The following GRID2 variants were observed in gnomAD, a reference collection of about 807,000 sequenced individuals.
GRID2 encodes glutamate receptor ionotropic, delta-2.
GRID2 carries 33 observed loss-of-function variants against 114.8 expected under a neutral mutation model. The observed-to-expected ratio is 0.29, with a 90% CI of 0.22 to 0.38. The LOEUF (loss-of-function observed/expected upper bound fraction) is 0.38, where lower values mean the gene tolerates loss of function less well. Ranked by LOEUF, GRID2 falls within the 10% of genes least tolerant of loss-of-function variation. GRID2 has a pLI of 1.00. For missense variants in GRID2, 1,184 were observed against 1,257.7 expected (o/e 0.94, Z 0.89); for synonymous variants, 505 against 449.9 (o/e 1.12, Z -1.55).
intron 3 of GRID2, among the ~76,000 whole-genome samples, chr4:93,088,685 A>T (rs576427757): frequency 5.6e-4 from 86 of 152,262 alleles, no homozygotes; most frequent in African/African-American, 2.0e-3. Context: ...ATTAAAAATA[A>T]TATCTCTGAG....
chr4:92,835,106 G>T (rs1453518904), intron 2 of GRID2, among the ~76,000 whole-genome samples: 4 of 151,694 alleles, frequency 2.6e-5, no homozygotes, highest in African/African-American at 7.3e-5. Flanking sequence ...TGATATGGCA[G>T]TGCTCAATGG....
At chr4:92,632,795 A>G (rs1156638442) in intron 2 of GRID2, among the ~76,000 whole-genome samples, 1 of 151,928 alleles carries the variant, frequency 6.6e-6, no homozygotes, top group African/African-American at 2.4e-5. Flanking sequence ...GCCAAAGACC[A>G]TGACTACAAA....
intron 14 of GRID2, among the ~76,000 whole-genome samples, chr4:93,691,378 A>T (rs1726549220): frequency 6.6e-6 from 1 of 152,042 alleles, no homozygotes; most frequent in Non-Finnish European, 1.5e-5. Flanking sequence ...GTCTAGACAC[A>T]GAAGTTAAAA....
chr4:92,372,038 T>C (rs2110219914), intron 1 of GRID2, among the ~76,000 whole-genome samples: 1 of 152,256 alleles, frequency 6.6e-6, no homozygotes, highest in East Asian at 1.9e-4. Context: ...AGAACTATAA[T>C]TGAAAGTGGA....
intron 10 of GRID2, among the ~76,000 whole-genome samples, chr4:93,440,636 A>G (rs577097056): frequency 6.6e-5 from 10 of 152,282 alleles, no homozygotes; most frequent in Admixed American, 4.6e-4. Context: ...TATAAGTACA[A>G]GAGGAAAACA....
intron 8 of GRID2, among the ~76,000 whole-genome samples, chr4:93,332,675 A>G (rs1000672008): frequency 4.6e-5 from 7 of 152,136 alleles, no homozygotes; most frequent in Non-Finnish European, 8.8e-5. Flanking sequence ...GCCAGGAGAT[A>G]TAAATTAGTT....
At chr4:93,015,225 G>C (rs1248637941) in intron 2 of GRID2, among the ~76,000 whole-genome samples, 2 of 152,016 alleles carry the variant, frequency 1.3e-5, no homozygotes, top group East Asian at 3.9e-4. Flanking sequence ...ATTGGTAATG[G>C]GCCAAAAATG....
intron 1 of GRID2, among the ~76,000 whole-genome samples, chr4:92,584,171 A>G (rs1728314241): frequency 6.6e-6 from 1 of 151,992 alleles, no homozygotes; most frequent in South Asian, 2.1e-4. Flanking sequence ...GGTAACATGA[A>G]TGAGACAATG....
chr4:93,618,168 G>A (rs1741884054), intron 13 of GRID2, among the ~76,000 whole-genome samples: 1 of 152,102 alleles, frequency 6.6e-6, no homozygotes, highest in Non-Finnish European at 1.5e-5. Context: ...TCAATACTTT[G>A]GTTGAGAAAC....
At chr4:93,792,445 A>ATGAAAAC (rs1252440512) in intron 1 of GRID2, among the ~76,000 whole-genome samples, 1 of 152,108 alleles carries the variant, frequency 6.6e-6, no homozygotes, top group South Asian at 2.1e-4. Flanking sequence ...CACCCGCAAA[A>ATGAAAAC]TGAAAACTGA....
intron 11 of GRID2, among the ~76,000 whole-genome samples, chr4:93,469,157 C>T (rs1724563882): frequency 6.6e-6 from 1 of 152,048 alleles, no homozygotes. Context: ...TAAATCTTCC[C>T]TGGTGCTTTT....
chr4:93,351,382 A>G (rs1241221639), intron 8 of GRID2, among the ~76,000 whole-genome samples: 1 of 152,098 alleles, frequency 6.6e-6, no homozygotes, highest in African/African-American at 2.4e-5. Context: ...TGCAGATTTT[A>G]TGATTGAAAT....
chr4:92,622,440 TAGG>T (rs1730319128), intron 2 of GRID2, among the ~76,000 whole-genome samples: 2 of 151,826 alleles, frequency 1.3e-5, no homozygotes. Flanking sequence ...AAGGAGATTT[TAGG>T]AGGATATTTT....
At chr4:93,413,395 T>C (rs1767398334) in intron 9 of GRID2, among the ~76,000 whole-genome samples, 1 of 152,224 alleles carries the variant, frequency 6.6e-6, no homozygotes, top group African/African-American at 2.4e-5. Flanking sequence ...ATATATGTTT[T>C]CTTTATAGAA....
At chr4:92,842,158 G>A (rs968316503) in intron 2 of GRID2, among the ~76,000 whole-genome samples, 1 of 151,956 alleles carries the variant, frequency 6.6e-6, no homozygotes, top group African/African-American at 2.4e-5. Flanking sequence ...CTCTCTCTAG[G>A]GATCATTAAA....
At chr4:93,477,923 C>T (rs1229306904) in intron 11 of GRID2, among the ~76,000 whole-genome samples, 1 of 152,098 alleles carries the variant, frequency 6.6e-6, no homozygotes, top group Non-Finnish European at 1.5e-5. Flanking sequence ...TAATGATAAA[C>T]ATTATGTGTA....
chr4:92,917,073 T>C (rs1440286278), intron 2 of GRID2, among the ~76,000 whole-genome samples: 3 of 152,218 alleles, frequency 2.0e-5, no homozygotes, highest in Non-Finnish European at 4.4e-5. Flanking sequence ...TGTGAGATGG[T>C]ATCTCATTGT....
At chr4:92,715,395 G>A (rs761732896) in intron 2 of GRID2, among the ~76,000 whole-genome samples, 16 of 152,106 alleles carry the variant, frequency 1.1e-4, no homozygotes, top group Middle Eastern at 3.4e-3. Flanking sequence ...CCCTCCAAAC[G>A]GTTCTAACTT....
At chr4:92,943,798 G>A (rs937305653) in intron 2 of GRID2, among the ~76,000 whole-genome samples, 1 of 152,190 alleles carries the variant, frequency 6.6e-6, no homozygotes, top group African/African-American at 2.4e-5. Flanking sequence ...CCTTCTAACA[G>A]TCAGGACCCT....
Sources: allele counts gnomAD v4.1 joint callset (sites outside exome capture counted in the v4.1 genomes callset), GRCh38; gene constraint gnomAD v4.1.1; transcripts MANE v1.5; gene names NCBI Gene and HGNC (gene_info 2026-07-23, HGNC 2026-07-21).